SMG6: variants seen among roughly 807,000 people sequenced by gnomAD.
SMG6 encodes the protein SMG6 nonsense mediated mRNA decay factor, also known as telomerase-binding protein EST1A.
SMG6 carries 66 observed loss-of-function variants against 142.2 expected under a neutral mutation model. The ratio of observed to expected loss-of-function variants is 0.46; its 90% CI spans 0.38 to 0.57. The LOEUF is 0.57. SMG6 is among the 20% of genes least tolerant of loss of function. The pLI, the probability that SMG6 is intolerant of heterozygous loss-of-function variation, is 0.00. For missense variants in SMG6, 1,793 were observed against 1,832.0 expected, an observed-to-expected ratio of 0.98 and a Z score of 0.39; for synonymous variants, 779 against 702.4, an observed-to-expected ratio of 1.11 and a Z score of -1.72.
intron 13 of SMG6, among the ~76,000 whole-genome samples, chr17:2,169,027 T>C (rs2071424515): frequency 1.3e-5 from 2 of 151,516 alleles, no homozygotes. Flanking sequence ...ATTACAGGCA[T>C]GAGCCACCAT....
At chr17:2,146,286 C>G (rs1246004978) in intron 13 of SMG6, among the ~76,000 whole-genome samples, 1 of 152,078 alleles carries the variant, frequency 6.6e-6, no homozygotes, top group Non-Finnish European at 1.5e-5. Flanking sequence ...CATCCACATC[C>G]CTAAACAATG....
intron 10 of SMG6, among the ~76,000 whole-genome samples, chr17:2,197,136 G>C (rs1457402299): frequency 1.1e-4 from 17 of 152,118 alleles, no homozygotes; most frequent in Non-Finnish European, 7.4e-5. Context: ...TGATATACTG[G>C]ATTTCATAAA....
intron 15 of SMG6, among the ~76,000 whole-genome samples, chr17:2,069,738 A>G (rs2068048696): frequency 6.6e-6 from 1 of 152,228 alleles, no homozygotes; most frequent in Non-Finnish European, 1.5e-5. Context: ...ATTAAGACTC[A>G]ACTCATGTGT....
intron 13 of SMG6, among the ~76,000 whole-genome samples, chr17:2,156,695 C>T (rs1020501034): frequency 6.6e-6 from 1 of 152,084 alleles, no homozygotes. Flanking sequence ...TGCTGTGTAA[C>T]CCAGGCTACA....
intron 6 of SMG6, 140 bp downstream of exon 6, chr17:2,292,411 CG>C: frequency 1.3e-6 from 1 of 799,656 alleles, no homozygotes; most frequent in East Asian, 2.5e-5. Flanking sequence ...TGAGAGTAAC[CG>C]TAACAAAAGG....
chr17:2,208,687 T>G (rs78713421), intron 10 of SMG6, among the ~76,000 whole-genome samples: 1,553 of 152,296 alleles, frequency 0.01, 31 homozygotes, highest in African/African-American at 0.034. Flanking sequence ...GGAGCTGAAG[T>G]CTAACAGGAC....
chr17:2,229,562 A>G (rs1431847513), intron 10 of SMG6: 2 of 152,232 alleles, frequency 1.3e-5, no homozygotes, highest in East Asian at 1.9e-4. Context: ...AGGACACAAA[A>G]TATCTGTCCA....
chr17:2,278,082 T>A (rs1429026480), intron 8 of SMG6, among the ~76,000 whole-genome samples: 1 of 152,176 alleles, frequency 6.6e-6, no homozygotes, highest in African/African-American at 2.4e-5. Context: ...TTCATGTTTT[T>A]ACAGGTATGT....
intron 12 of SMG6, among the ~76,000 whole-genome samples, chr17:2,175,009 G>C (rs1284458596): frequency 2.0e-5 from 3 of 152,138 alleles, no homozygotes; most frequent in Non-Finnish European, 4.4e-5. Context: ...CGGCTGCAGA[G>C]ACAAGCACCG....
chr17:2,276,686 T>C (rs555999059), intron 8 of SMG6, among the ~76,000 whole-genome samples: 7 of 152,184 alleles, frequency 4.6e-5, no homozygotes, highest in Admixed American at 4.6e-4. Flanking sequence ...GCACCTGGCC[T>C]CTGTCCATCA....
rs144356393 is a variant in SMG6, at chr17:2,159,350, A to G, written c.3357+13308T>C. ...GAGGCTGAGGTAGGAGAATTGCTTTAACCCAGGAGACGGAGGCTGCAGTGA... is the reference window on the plus strand; with the variant it reads ...GAGGCTGAGGTAGGAGAATTGCTTTGACCCAGGAGACGGAGGCTGCAGTGA... On this transcript the variant is annotated intron_variant, in intron 13 of 18. Coordinates refer to ENST00000263073, the MANE Select transcript of SMG6 (RefSeq NM_017575.5). 1.1e-4 allele frequency among the ~76,000 whole-genome samples: 17 copies of G among 152,270 alleles called. No individual in the cohort carries two copies. The East Asian group carries it at 2.5e-3, about 22-fold the overall frequency.
At chr17:2,180,207 G>A (rs1235301509) in intron 12 of SMG6, among the ~76,000 whole-genome samples, 1 of 152,158 alleles carries the variant, frequency 6.6e-6, no homozygotes, top group African/African-American at 2.4e-5. Context: ...CAGAGGCTTG[G>A]TGTGGATGGG....
intron 10 of SMG6, among the ~76,000 whole-genome samples, chr17:2,191,538 T>C (rs1274363840): frequency 2.0e-5 from 3 of 152,244 alleles, no homozygotes; most frequent in Non-Finnish European, 4.4e-5. Context: ...AGGAACTCAT[T>C]AACACTGTGA....
intron 10 of SMG6, among the ~76,000 whole-genome samples, chr17:2,192,561 A>C (rs1486180972): frequency 6.6e-6 from 1 of 152,158 alleles, no homozygotes; most frequent in Non-Finnish European, 1.5e-5. Context: ...TTATTCACCA[A>C]TTCCCTCCCC....
intron 13 of SMG6, among the ~76,000 whole-genome samples, chr17:2,119,108 A>G (rs1381099222): frequency 6.7e-6 from 1 of 148,532 alleles, no homozygotes; most frequent in African/African-American, 2.5e-5. Context: ...CCCAGGCTGG[A>G]GTGCAGTGGC....
At chr17:2,075,512 C>G (rs955896766) in intron 15 of SMG6, among the ~76,000 whole-genome samples, 4 of 152,210 alleles carry the variant, frequency 2.6e-5, no homozygotes, top group Non-Finnish European at 4.4e-5. Flanking sequence ...ACAGCAAAGC[C>G]TCAGAGAGGC....
At chr17:2,143,761 AG>A (rs1357990961) in intron 13 of SMG6, among the ~76,000 whole-genome samples, 1 of 152,228 alleles carries the variant, frequency 6.6e-6, no homozygotes, top group Non-Finnish European at 1.5e-5. Flanking sequence ...AAATTTAAAA[AG>A]GGTATTAAAA....
intron 13 of SMG6, among the ~76,000 whole-genome samples, chr17:2,111,631 T>C (rs1334603560): frequency 6.6e-6 from 1 of 152,164 alleles, no homozygotes; most frequent in African/African-American, 2.4e-5. Flanking sequence ...CTTGAACTCC[T>C]AGGTTCAAGG....
chr17:2,254,343 T>G (rs2074116079), intron 8 of SMG6, among the ~76,000 whole-genome samples: 1 of 152,178 alleles, frequency 6.6e-6, no homozygotes, highest in Non-Finnish European at 1.5e-5. Context: ...CCATTTTTTT[T>G]GTTGTTGTTG....
Sources: gnomAD v4.1 joint callset for allele counts (sites outside exome capture counted in the v4.1 genomes callset) on GRCh38, gnomAD v4.1.1 for gene constraint, MANE v1.5 for transcripts, NCBI Gene and HGNC (gene_info 2026-07-23, HGNC 2026-07-21) for gene names.